The following BAZ1A variants were observed in gnomAD, a reference collection of about 807,000 sequenced individuals.
BAZ1A encodes the protein bromodomain adjacent to zinc finger domain protein 1A.
Under a neutral mutation model 185.2 loss-of-function variants are expected in BAZ1A, and 50 were observed. The observed-to-expected ratio is 0.27, with a 90% CI of 0.22 to 0.34. BAZ1A has a LOEUF of 0.34. Among genes scored for constraint, BAZ1A ranks in the 10% least tolerant of loss-of-function variants. The pLI is 1.00. For synonymous variants in BAZ1A, 571 were observed against 615.6 expected (o/e 0.93, Z 1.07); for missense variants, 1,356 against 1,839.9 (o/e 0.74, Z 4.81).
chr14:34,836,630 T>C (rs1193293773), intron 3 of BAZ1A, among the ~76,000 whole-genome samples: 1 of 151,940 alleles, frequency 6.6e-6, no homozygotes, highest in Non-Finnish European at 1.5e-5. Flanking sequence ...TAACCTTTAT[T>C]TTCTAGTAAT....
intron 3 of BAZ1A, among the ~76,000 whole-genome samples, chr14:34,857,838 C>T (rs1472040927): frequency 6.6e-6 from 1 of 152,162 alleles, no homozygotes. Context: ...GTTCCTTCTC[C>T]TTCATTCTGT....
chr14:34,863,495 A>G (rs1183923904), intron 2 of BAZ1A, among the ~76,000 whole-genome samples: 1 of 151,782 alleles, frequency 6.6e-6, no homozygotes, highest in Non-Finnish European at 1.5e-5. Flanking sequence ...CTTAATAGAG[A>G]TGGGGTTTCC....
At chr14:34,773,517 A>C (rs1247249697) in intron 20 of BAZ1A, 55 bp downstream of exon 20, 8 of 1,474,314 alleles carry the variant, frequency 5.4e-6, no homozygotes, top group South Asian at 4.1e-5. Flanking sequence ...AAAAAAAAAA[A>C]AACCTTAAAA....
chr14:34,850,351 C>G (rs574915136), intron 3 of BAZ1A, among the ~76,000 whole-genome samples: 6 of 152,304 alleles, frequency 3.9e-5, no homozygotes, highest in Admixed American at 3.9e-4. Context: ...GCACTCCAGC[C>G]TGGGCAACAG....
chr14:34,765,057 C>T lies in BAZ1A; in HGVS notation c.3513G>A (p.Arg1171=). The part of the protein sequence containing the change: ...ENMVLCDGCD[R]GHHTYCVRPK... ...GTCGAACACAGTAGGTATGATGACC[C>T]CTATCACAGCCATCACAAAGAACCA... Residue 1171 remains arginine (R), a synonymous_variant, in exon 22 of 27, where the codon AGG becomes AGA. Coordinates refer to ENST00000360310, the MANE Select transcript of BAZ1A (RefSeq NM_013448.3). 2 of 1,614,114 alleles carry T rather than the reference C, an allele frequency of 1.2e-6. No individual in the cohort carries two copies. Among genetic ancestry groups the T allele is most frequent in the Non-Finnish European group, 1.7e-6 (2 of 1,180,018 alleles).
chr14:34,754,959 T>A, intron 25 of BAZ1A, 45 bp from the exon 26 acceptor site: 1 of 1,410,216 alleles, frequency 7.1e-7, no homozygotes, highest in Non-Finnish European at 9.7e-7. Flanking sequence ...AAAACTTAAC[T>A]GGAAAGAAGT....
At chr14:34,873,852 G>GGGAGGCCGCGGAC (rs1397337584) in intron 2 of BAZ1A, among the ~76,000 whole-genome samples, 1 of 152,146 alleles carries the variant, frequency 6.6e-6, no homozygotes. Context: ...AGCGCCGGAC[G>GGGAGGCCGCGGAC]GGAGGCCGCG....
intron 3 of BAZ1A, among the ~76,000 whole-genome samples, chr14:34,847,325 G>C (rs1252445062): frequency 6.6e-6 from 1 of 151,536 alleles, no homozygotes; most frequent in Non-Finnish European, 1.5e-5. Context: ...TTTTGTCCTG[G>C]AACTAGCAAT....
chr14:34,776,572 A>C, intron 17 of BAZ1A, 57 bp from the exon 18 acceptor site: 1 of 1,423,608 alleles, frequency 7.0e-7, no homozygotes, highest in Non-Finnish European at 9.4e-7. Context: ...CATTAGAAAA[A>C]TATGAGATAC....
intron 21 of BAZ1A, among the ~76,000 whole-genome samples, chr14:34,767,410 C>T (rs1322158791): frequency 3.9e-5 from 6 of 152,020 alleles, no homozygotes; most frequent in Admixed American, 6.6e-5. Context: ...ACTAGCCAGC[C>T]GTGGTTGCAG....
Position 34,874,412 on chromosome 14 carries a change from A to T in BAZ1A, c.113+80T>A. Reference sequence around the variant, plus strand: ...GTCGCCCCGCCAGAAGCCCAGGGCGAGGAAAAGGAGAGAGACAAAAGAGCG... The same window carrying T: ...GTCGCCCCGCCAGAAGCCCAGGGCGTGGAAAAGGAGAGAGACAAAAGAGCG... On this transcript the variant is annotated intron_variant, in intron 2 of 26. Coordinates refer to ENST00000360310, the MANE Select transcript of BAZ1A (RefSeq NM_013448.3). The surrounding 1 kb of genome is among the most constrained non-coding windows in gnomAD (Gnocchi z 4.7). 1 of 1,349,178 alleles carries T rather than the reference A, an allele frequency of 7.4e-7. No homozygotes were observed. Among genetic ancestry groups the T allele is most frequent in the Non-Finnish European group, 1.1e-6 (1 of 950,408 alleles). 83.6% of individuals were successfully genotyped at this position (1,349,178 alleles called of 1,614,324 possible).
intron 6 of BAZ1A, among the ~76,000 whole-genome samples, chr14:34,803,487 AT>A (rs1159760991): frequency 6.6e-6 from 1 of 152,060 alleles, no homozygotes; most frequent in Non-Finnish European, 1.5e-5. Flanking sequence ...CCACTATATA[AT>A]TAATTAGCCT....
In BAZ1A at chr14:34,862,674, G is replaced by A. The variant is rs886342916; in HGVS notation, c.114-352C>T. ...ATAATGAAAAATCAGTCATTAAAAA[G>A]TATAAAGTTCTTAATTAACATTTCC... On this transcript the variant is annotated intron_variant, in intron 2 of 26. Transcript: ENST00000360310. 2.0e-5 allele frequency among the ~76,000 whole-genome samples: 3 copies of A among 150,928 alleles called. No homozygotes were observed. The South Asian group carries it at 6.2e-4, about 31-fold the overall frequency.
intron 3 of BAZ1A, among the ~76,000 whole-genome samples, chr14:34,840,892 C>A (rs1465215121): frequency 2.6e-5 from 4 of 152,168 alleles, no homozygotes; most frequent in Non-Finnish European, 5.9e-5. Context: ...GGAGCTCAAA[C>A]ATAACCTTTT....
Position 34,758,863 on chromosome 14 carries a change from A to G in BAZ1A, c.4244-17T>C. 1 of 1,611,694 alleles carries G rather than the reference A, an allele frequency of 6.2e-7. No individual in the cohort carries two copies. Among genetic ancestry groups the G allele is most frequent in the Non-Finnish European group, 8.5e-7 (1 of 1,179,344 alleles). On this transcript the variant is annotated splice_polypyrimidine_tract_variant and intron_variant, in intron 24 of 26. Transcript: ENST00000360310. Reference sequence around the variant, plus strand: ...GCGATGGCTCTGAGTAAATAATTACAACATTTTAGGTGATAACAAAGCAAA... The same window carrying G: ...GCGATGGCTCTGAGTAAATAATTACGACATTTTAGGTGATAACAAAGCAAA...
In BAZ1A at chr14:34,802,285, T is replaced by C. The variant is rs556737088; in HGVS notation, c.861+569A>G. Among the ~76,000 whole-genome samples the C allele has an allele frequency of 9.9e-5, 15 of 152,258 alleles. No individual in the cohort carries two copies. In the South Asian group the frequency reaches 3.1e-3, roughly 32 times the overall value. ...CTTTGTTGTCCAGGCTAAAGTGCAA[T>C]GTGGCATGATCTGGGCTCACAGCAA... On this transcript the variant is annotated intron_variant, in intron 7 of 26. Coordinates refer to ENST00000360310, the MANE Select transcript of BAZ1A (RefSeq NM_013448.3).
chr14:34,854,401 G>A (rs1051585961), intron 3 of BAZ1A, among the ~76,000 whole-genome samples: 1 of 152,048 alleles, frequency 6.6e-6, no homozygotes, highest in Non-Finnish European at 1.5e-5. Flanking sequence ...CAGCCTGGGC[G>A]ACAGAGTGAG....
At chr14:34,868,092 A>C (rs1444160262) in intron 2 of BAZ1A, among the ~76,000 whole-genome samples, 1 of 152,200 alleles carries the variant, frequency 6.6e-6, no homozygotes, top group East Asian at 1.9e-4. Flanking sequence ...CATCCTCTTC[A>C]CTAAAGGTGG....
rs2043006102 is a variant in BAZ1A, at chr14:34,874,383, T to G, written c.113+109A>C. The G allele has an allele frequency of 8.9e-7, 1 of 1,127,004 alleles. No homozygotes were observed. The highest frequency in any genetic ancestry group is 2.1e-5 in the Admixed American group (1 of 46,882). The allele number at this position is 1,127,004 out of a possible 1,614,324, so 69.8% of individuals were successfully genotyped here. A position where few individuals can be genotyped will look rare whatever the true frequency, so the allele number is the denominator to read the frequency against. On this transcript the variant is annotated intron_variant, in intron 2 of 26. Coordinates refer to ENST00000360310, the MANE Select transcript of BAZ1A (RefSeq NM_013448.3). The surrounding 1 kb of genome is among the most constrained non-coding windows in gnomAD (Gnocchi z 4.7). Reference sequence around the variant, plus strand: ...CGGGCCCGGGGGCCACCCGTCACTTTCAAGTCGCCCCGCCAGAAGCCCAGG... The same window carrying G: ...CGGGCCCGGGGGCCACCCGTCACTTGCAAGTCGCCCCGCCAGAAGCCCAGG...
Sources: allele counts gnomAD v4.1 joint callset (sites outside exome capture counted in the v4.1 genomes callset), GRCh38; gene constraint gnomAD v4.1.1; non-coding constraint Gnocchi (gnomAD v3.1); transcripts MANE v1.5; gene names NCBI Gene and HGNC (gene_info 2026-07-23, HGNC 2026-07-21).